The following TNFAIP8 variants were observed in gnomAD, a reference collection of about 807,000 sequenced individuals.
TNFAIP8 encodes the protein TNF alpha induced protein 8, also known as tumor necrosis factor alpha-induced protein 8.
Under a neutral mutation model 13.3 loss-of-function variants are expected in TNFAIP8, and 7 were observed. The ratio of observed to expected loss-of-function variants is 0.52; its 90% CI spans 0.30 to 0.99. TNFAIP8 has a LOEUF of 0.99. TNFAIP8 is among the 50% of genes least tolerant of loss of function. The pLI, the probability that TNFAIP8 is intolerant of heterozygous loss-of-function variation, is 0.07. For synonymous variants in TNFAIP8, 94 were observed against 87.6 expected (o/e 1.07, Z -0.41); for missense variants, 258 against 236.9 (o/e 1.09, Z -0.58).
At chr5:119,314,230 G>T (rs1749819065) in intron 1 of TNFAIP8, among the ~76,000 whole-genome samples, 1 of 152,160 alleles carries the variant, frequency 6.6e-6, no homozygotes, top group Non-Finnish European at 1.5e-5. Flanking sequence ...CGTCTGTTTT[G>T]TTCATTTGTG....
At chr5:119,389,235 C>G (rs1001931524) in intron 1 of TNFAIP8, among the ~76,000 whole-genome samples, 1 of 152,036 alleles carries the variant, frequency 6.6e-6, no homozygotes, top group African/African-American at 2.4e-5. Context: ...AGGAGAGAAT[C>G]AAAGATCAGT....
At chr5:119,297,097 C>G (rs958279122) in intron 1 of TNFAIP8, among the ~76,000 whole-genome samples, 13 of 151,634 alleles carry the variant, frequency 8.6e-5, no homozygotes, top group African/African-American at 3.1e-4. Context: ...TCATGTGTCT[C>G]TGTTTCCTTC....
chr5:119,347,356 T>C (rs557734407), intron 1 of TNFAIP8, among the ~76,000 whole-genome samples: 21 of 152,322 alleles, frequency 1.4e-4, no homozygotes, highest in African/African-American at 5.1e-4. Context: ...ATCACTGAAA[T>C]TGAGAAAATT....
At chr5:119,352,008 T>C (rs539234140), upstream of TNFAIP8, among the ~76,000 whole-genome samples, 207 of 152,158 alleles carry the variant, frequency 1.4e-3, no homozygotes, top group African/African-American at 4.9e-3. Flanking sequence ...CAGGCTGGTC[T>C]CGAACTCCTG....
intron 1 of TNFAIP8, among the ~76,000 whole-genome samples, chr5:119,358,208 A>G (rs1162612839): frequency 2.6e-5 from 4 of 151,286 alleles, no homozygotes; most frequent in African/African-American, 9.7e-5. Context: ...TGGATGCTTC[A>G]TGCCTGATAC....
chr5:119,283,190 A>T (rs1748686682), intron 1 of TNFAIP8, among the ~76,000 whole-genome samples: 1 of 152,144 alleles, frequency 6.6e-6, no homozygotes, highest in African/African-American at 2.4e-5. Flanking sequence ...TGGTTCACTC[A>T]CCCTGTTAGG....
chr5:119,304,915 G>A (rs1352274947), intron 1 of TNFAIP8, among the ~76,000 whole-genome samples: 1 of 152,200 alleles, frequency 6.6e-6, no homozygotes, highest in East Asian at 1.9e-4. Context: ...GAATGGTGAG[G>A]TGAAAATTAT....
chr5:119,354,976 GCGATAAAA>G, upstream of TNFAIP8: 1 of 196,366 alleles, frequency 5.1e-6, no homozygotes, highest in Non-Finnish European at 1.0e-5. Flanking sequence ...CCTCAGACTG[GCGATAAAA>G]CAAGTGTTCT....
At chr5:119,383,481 G>A (rs1752561000) in intron 1 of TNFAIP8, among the ~76,000 whole-genome samples, 1 of 152,182 alleles carries the variant, frequency 6.6e-6, no homozygotes, top group South Asian at 2.1e-4. Context: ...TAATGTGTGT[G>A]TGGGAACAAA....
In TNFAIP8 at chr5:119,395,967, T is replaced by C. The variant is rs1260924850; in HGVS notation, c.*2586T>C. On this transcript the variant is annotated 3_prime_UTR_variant, in exon 2 of 2. Coordinates refer to ENST00000504771, the MANE Select transcript of TNFAIP8 (RefSeq NM_014350.4). ...ATTATGAGTGGATATGATAAGTGGA[T>C]GATAATACTAATGGACAACTAACGC... The C allele has an allele frequency of 6.6e-6, 1 of 152,196 alleles. No homozygotes were observed. Among genetic ancestry groups the C allele is most frequent in the Non-Finnish European group, 1.5e-5 (1 of 68,028 alleles). 9.4% of individuals were successfully genotyped at this position (152,196 alleles called of 1,614,324 possible).
intron 1 of TNFAIP8, among the ~76,000 whole-genome samples, chr5:119,291,025 G>A (rs1215150854): frequency 2.0e-5 from 3 of 152,144 alleles, no homozygotes; most frequent in Non-Finnish European, 4.4e-5. Context: ...ATAATCATTG[G>A]CATATTTTAG....
chr5:119,277,129 G>A (rs1048840801), intron 1 of TNFAIP8, among the ~76,000 whole-genome samples: 2 of 151,944 alleles, frequency 1.3e-5, no homozygotes, highest in Non-Finnish European at 2.9e-5. Flanking sequence ...CTTGTATACT[G>A]CACTCACCTG....
chr5:119,384,747 T>A (rs777582118), intron 1 of TNFAIP8, among the ~76,000 whole-genome samples: 1 of 152,174 alleles, frequency 6.6e-6, no homozygotes, highest in Non-Finnish European at 1.5e-5. Flanking sequence ...TATACTAACA[T>A]CACCAAACTT....
intron 1 of TNFAIP8, among the ~76,000 whole-genome samples, chr5:119,287,421 TTCA>T (rs1748835343): frequency 6.6e-6 from 1 of 151,764 alleles, no homozygotes; most frequent in Non-Finnish European, 1.5e-5. Context: ...TAACACATCC[TTCA>T]TCACACATAG....
chr5:119,354,946 T>A (rs1751323716), upstream of TNFAIP8: 1 of 171,754 alleles, frequency 5.8e-6, no homozygotes, highest in Non-Finnish European at 1.2e-5. Flanking sequence ...CTTTCAGATA[T>A]GTTATTTGAG....
At chr5:119,391,465 A>G in intron 1 of TNFAIP8, 1 of 701,520 alleles carries the variant, frequency 1.4e-6, no homozygotes, top group Non-Finnish European at 2.6e-6. Flanking sequence ...CCTTAGGAGA[A>G]GCGAGAGAAA....
intron 1 of TNFAIP8, among the ~76,000 whole-genome samples, chr5:119,334,970 C>T (rs1750505878): frequency 6.6e-6 from 1 of 152,100 alleles, no homozygotes; most frequent in Admixed American, 6.5e-5. Flanking sequence ...CATAAGCATT[C>T]AAGGGTAAGC....
intron 1 of TNFAIP8, among the ~76,000 whole-genome samples, chr5:119,306,815 A>T (rs1749581892): frequency 6.6e-6 from 1 of 152,208 alleles, no homozygotes; most frequent in Non-Finnish European, 1.5e-5. Context: ...TATTCAAGGA[A>T]ACACCTCATA....
chr5:119,301,278 T>G (rs1451273895), intron 1 of TNFAIP8, among the ~76,000 whole-genome samples: 2 of 152,236 alleles, frequency 1.3e-5, no homozygotes, highest in Non-Finnish European at 2.9e-5. Flanking sequence ...CATTGGGCAC[T>G]CTATGCTTAT....
Sources: allele counts gnomAD v4.1 joint callset (sites outside exome capture counted in the v4.1 genomes callset), GRCh38; gene constraint gnomAD v4.1.1; transcripts MANE v1.5; gene names NCBI Gene and HGNC (gene_info 2026-07-23, HGNC 2026-07-21).